The following SORL1 variants were observed in gnomAD, a reference collection of about 807,000 sequenced individuals.
SORL1 encodes sortilin-related receptor.
A neutral mutation model predicts 273.7 loss-of-function variants in SORL1; 127 were observed. The observed-to-expected ratio is 0.46, with a 90% confidence interval of 0.40 to 0.54. The LOEUF is 0.54. Ranked by LOEUF, SORL1 falls within the 20% of genes least tolerant of loss-of-function variation. SORL1 has a pLI of 0.00. For missense variants in SORL1, 2,494 were observed against 2,846.1 expected (o/e 0.88, Z 2.81); for synonymous variants, 1,031 against 1,067.4 (o/e 0.97, Z 0.66).
At chr11:121,508,257 T>C (rs1381957462) in intron 6 of SORL1, among the ~76,000 whole-genome samples, 1 of 152,200 alleles carries the variant, frequency 6.6e-6, no homozygotes, top group Non-Finnish European at 1.5e-5. Context: ...CCCCGTTCAT[T>C]TCTTTCTTGA....
chr11:121,602,977 T>G (rs1021524783), intron 32 of SORL1, among the ~76,000 whole-genome samples: 1 of 152,168 alleles, frequency 6.6e-6, no homozygotes, highest in African/African-American at 2.4e-5. Flanking sequence ...TTCCCCATTT[T>G]CAAAGCCAGT....
intron 1 of SORL1, among the ~76,000 whole-genome samples, chr11:121,462,905 T>C (rs946511057): frequency 5.9e-5 from 9 of 152,140 alleles, no homozygotes; most frequent in Non-Finnish European, 1.3e-4. Flanking sequence ...TAGCATCTGG[T>C]ATATAGTTAG....
intron 12 of SORL1, among the ~76,000 whole-genome samples, chr11:121,535,756 A>G (rs1191066390): frequency 6.8e-6 from 1 of 148,054 alleles, no homozygotes; most frequent in Non-Finnish European, 1.5e-5. Context: ...GTTGACTGTT[A>G]TTTGTTTCAG....
intron 25 of SORL1, among the ~76,000 whole-genome samples, chr11:121,581,632 A>AC (rs1565343766): frequency 1.2e-4 from 18 of 152,362 alleles, no homozygotes; most frequent in African/African-American, 4.1e-4. Flanking sequence ...AGAAAAATCT[A>AC]GAAAAAGATA....
chr11:121,466,712 G>T (rs1861087406), intron 1 of SORL1, among the ~76,000 whole-genome samples: 1 of 152,128 alleles, frequency 6.6e-6, no homozygotes, highest in African/African-American at 2.4e-5. Flanking sequence ...TAGGTCTGCT[G>T]TGGGGGGATG....
At chr11:121,565,229 G>A (rs760301374) in intron 21 of SORL1, among the ~76,000 whole-genome samples, 61 of 152,136 alleles carry the variant, frequency 4.0e-4, no homozygotes, top group Non-Finnish European at 6.2e-4. Flanking sequence ...GGAGGTGTAT[G>A]TTTTCTCTCT....
Position 121,452,946 on chromosome 11 carries a change from T to G in SORL1, c.285+330T>G. ...ATCTGGATAAAAAACGGGCTTTCTTTAGTGTATCATCAGTTGGCAGTGGAG... is the reference window on the plus strand; with the variant it reads ...ATCTGGATAAAAAACGGGCTTTCTTGAGTGTATCATCAGTTGGCAGTGGAG... On this transcript the variant is annotated intron_variant, in intron 1 of 47. Coordinates refer to ENST00000260197, the MANE Select transcript of SORL1 (RefSeq NM_003105.6). The surrounding 1 kb of genome is among the most constrained non-coding windows in gnomAD (Gnocchi z 5.3). The G allele has an allele frequency of 7.9e-6, 2 of 252,780 alleles. No individual in the cohort carries two copies. Among genetic ancestry groups the G allele is most frequent in the East Asian group, 7.1e-5 (1 of 14,028 alleles). The allele number at this position is 252,780 out of a possible 1,614,324, so 15.7% of individuals were successfully genotyped here. A position where few individuals can be genotyped will look rare whatever the true frequency, so the allele number is the denominator to read the frequency against.
chr11:121,480,438 T>C (rs1477140412), intron 3 of SORL1, among the ~76,000 whole-genome samples: 7 of 152,082 alleles, frequency 4.6e-5, no homozygotes, highest in African/African-American at 1.5e-4. Flanking sequence ...CTGATGCTGA[T>C]GATGATTACT....
chr11:121,554,877 C>A lies in SORL1; in HGVS notation c.2440-310C>A, dbSNP rs1226076043. 6.6e-6 allele frequency among the ~76,000 whole-genome samples: 1 copy of A among 152,186 alleles called. No individual in the cohort carries two copies. The highest frequency in any genetic ancestry group is 1.9e-4 in the East Asian group (1 of 5,202). ...TATTTTAAAAGCAAACAGACTCATA[C>A]AATCTCAGTAATCTCTGACTTTATT... On this transcript the variant is annotated intron_variant, in intron 17 of 47. Coordinates refer to ENST00000260197, the MANE Select transcript of SORL1 (RefSeq NM_003105.6). This position sits in a 1 kb window ranked among gnomAD's most constrained non-coding sequence, Gnocchi z 4.6.
In SORL1 at chr11:121,478,258, AT is replaced by A; in HGVS notation, c.528+16del. The A allele has an allele frequency of 6.2e-7, 1 of 1,613,248 alleles. No homozygotes were observed. Among genetic ancestry groups the A allele is most frequent in the Non-Finnish European group, 8.5e-7 (1 of 1,179,720 alleles). On this transcript the variant is annotated intron_variant, in intron 3 of 47. Transcript: ENST00000260197. ...ACAACAAGCGGGTAAGGAAGTGGCC[AT>A]CCCTCCTGTCCCGACTTCATGGGAC... is the stretch of plus-strand genomic sequence containing the variant.
Position 121,452,709 on chromosome 11 carries a change from G to T in SORL1, c.285+93G>T. The T allele has an allele frequency of 1.7e-6, 2 of 1,188,500 alleles. No individual in the cohort carries two copies. The highest frequency in any genetic ancestry group is 2.2e-6 in the Non-Finnish European group (2 of 907,450). 73.6% of individuals were successfully genotyped at this position (1,188,500 alleles called of 1,614,324 possible). A position where few individuals can be genotyped will look rare whatever the true frequency, so the allele number is the denominator to read the frequency against. On this transcript the variant is annotated intron_variant, in intron 1 of 47. Coordinates refer to ENST00000260197, the MANE Select transcript of SORL1 (RefSeq NM_003105.6). The surrounding 1 kb of genome is among the most constrained non-coding windows in gnomAD (Gnocchi z 5.3). ...CATCCGTTGCAGTCGCCTCCTAGGT[G>T]CAGGCACCACTGGGGACTTCCCGGC... is the stretch of plus-strand genomic sequence containing the variant.
intron 14 of SORL1, among the ~76,000 whole-genome samples, chr11:121,546,062 T>C (rs1160829182): frequency 1.3e-5 from 2 of 152,204 alleles, no homozygotes; most frequent in African/African-American, 2.4e-5. Flanking sequence ...AGCTGGGCTC[T>C]CAGGGAGCAT....
At chr11:121,495,161 C>A (rs1175984378) in intron 5 of SORL1, among the ~76,000 whole-genome samples, 1 of 152,222 alleles carries the variant, frequency 6.6e-6, no homozygotes, top group Non-Finnish European at 1.5e-5. Flanking sequence ...ATGGCTCACC[C>A]AGCCTCAAAC....
chr11:121,488,613 C>T (rs1013287648), intron 4 of SORL1, among the ~76,000 whole-genome samples: 1 of 152,148 alleles, frequency 6.6e-6, no homozygotes, highest in African/African-American at 2.4e-5. Flanking sequence ...GCTTTTGCCT[C>T]CCATTTATTT....
At chr11:121,604,415 A>C in intron 33 of SORL1, 91 bp downstream of exon 33, 1 of 1,447,754 alleles carries the variant, frequency 6.9e-7, no homozygotes, top group South Asian at 1.3e-5. Context: ...TTGAGCTAGG[A>C]CCCTTTTGAA....
intron 41 of SORL1, 127 bp downstream of exon 41, chr11:121,615,182 G>C: frequency 1.4e-6 from 1 of 706,834 alleles, no homozygotes; most frequent in Non-Finnish European, 2.2e-6. Flanking sequence ...CTTGGATATA[G>C]GCCTTTCTTT....
chr11:121,616,418 C>A (rs555931301), intron 41 of SORL1, among the ~76,000 whole-genome samples: 1 of 152,192 alleles, frequency 6.6e-6, no homozygotes, highest in Non-Finnish European at 1.5e-5. Context: ...GTGAGAAGTG[C>A]CATTGTCACT....
chr11:121,506,540 A>G (rs913422636), intron 6 of SORL1, among the ~76,000 whole-genome samples: 2 of 152,210 alleles, frequency 1.3e-5, no homozygotes, highest in Non-Finnish European at 2.9e-5. Context: ...TGATAACACT[A>G]TCATGGAAAA....
intron 8 of SORL1, among the ~76,000 whole-genome samples, 199 bp downstream of exon 8, chr11:121,514,520 A>G (rs1259099687): frequency 1.3e-5 from 2 of 152,152 alleles, no homozygotes; most frequent in African/African-American, 4.8e-5. Context: ...GATCTTAAGA[A>G]GCGCCCTAGG....
Sources: allele counts gnomAD v4.1 joint callset (sites outside exome capture counted in the v4.1 genomes callset), GRCh38; gene constraint gnomAD v4.1.1; non-coding constraint Gnocchi (gnomAD v3.1); transcripts MANE v1.5; gene names NCBI Gene and HGNC (gene_info 2026-07-23, HGNC 2026-07-21).